Variants in ASPH observed in about 807,000 individuals in gnomAD.
ASPH encodes aspartyl/asparaginyl beta-hydroxylase.
ASPH carries 100 observed loss-of-function variants against 118.4 expected under a neutral mutation model. The ratio of observed to expected loss-of-function variants is 0.84; its 90% confidence interval spans 0.72 to 1.00. ASPH has a LOEUF of 1.00. Among genes scored for constraint, ASPH ranks in the 50% least tolerant of loss-of-function variants. The probability of loss-of-function intolerance (pLI) is 0.00; values close to 1 mark genes in which losing one functional copy is unlikely to be tolerated. For missense variants in ASPH, 920 were observed against 919.5 expected, an observed-to-expected ratio of 1.00 and a Z score of -0.01; for synonymous variants, 315 against 325.6, an observed-to-expected ratio of 0.97 and a Z score of 0.35.
chr8:61,653,290 A>G (rs1812026980), intron 4 of ASPH, among the ~76,000 whole-genome samples: 1 of 152,236 alleles, frequency 6.6e-6, no homozygotes, highest in South Asian at 2.1e-4. Context: ...TAGTGCTGGA[A>G]TTGGAATCAA....
At chr8:61,692,974 G>A (rs1020843550) in intron 1 of ASPH, among the ~76,000 whole-genome samples, 7 of 150,536 alleles carry the variant, frequency 4.7e-5, no homozygotes, top group African/African-American at 1.2e-4. Flanking sequence ...AAAAGAAAAC[G>A]ATGACATCAA....
At chr8:61,586,461 A>G (rs1185158488) in intron 14 of ASPH, among the ~76,000 whole-genome samples, 1 of 152,232 alleles carries the variant, frequency 6.6e-6, no homozygotes, top group Non-Finnish European at 1.5e-5. Flanking sequence ...CCAAATCAGA[A>G]ACTTGGTTAT....
chr8:61,574,719 T>A (rs746991595), intron 16 of ASPH, among the ~76,000 whole-genome samples: 4 of 152,028 alleles, frequency 2.6e-5, no homozygotes, highest in Admixed American at 6.6e-5. Flanking sequence ...AGGGGAGGGA[T>A]AGCATTAGGA....
chr8:61,588,625 A>C (rs992972606), intron 14 of ASPH, among the ~76,000 whole-genome samples: 1 of 152,186 alleles, frequency 6.6e-6, no homozygotes, highest in African/African-American at 2.4e-5. Flanking sequence ...CCCATGTTCT[A>C]CCTTGTTCTC....
intron 14 of ASPH, among the ~76,000 whole-genome samples, chr8:61,593,015 G>T (rs1841585314): frequency 6.6e-6 from 1 of 152,220 alleles, no homozygotes; most frequent in African/African-American, 2.4e-5. Context: ...TGTTCCTACA[G>T]GCGGGGGATG....
intron 24 of ASPH, among the ~76,000 whole-genome samples, chr8:61,515,382 C>T (rs1810507162): frequency 6.6e-6 from 1 of 152,166 alleles, no homozygotes; most frequent in Non-Finnish European, 1.5e-5. Context: ...GAAACTTCTG[C>T]CTGTCCAGTG....
intron 21 of ASPH, among the ~76,000 whole-genome samples, chr8:61,535,551 A>G (rs1405392065): frequency 2.0e-5 from 3 of 152,182 alleles, no homozygotes; most frequent in Non-Finnish European, 2.9e-5. Flanking sequence ...AAATTGAGGA[A>G]AGGGATGCTG....
chr8:61,573,938 G>A (rs949227624), intron 16 of ASPH, among the ~76,000 whole-genome samples: 1 of 152,130 alleles, frequency 6.6e-6, no homozygotes, highest in Non-Finnish European at 1.5e-5. Flanking sequence ...GAAAATTTTT[G>A]CAATCTACCT....
intron 14 of ASPH, among the ~76,000 whole-genome samples, chr8:61,600,412 C>T (rs1297223854): frequency 6.7e-6 from 1 of 148,912 alleles, no homozygotes; most frequent in Non-Finnish European, 1.5e-5. Context: ...ATAAAAGTCA[C>T]CCAAATTGGA....
chr8:61,571,360 A>T (rs1280890918), intron 16 of ASPH, among the ~76,000 whole-genome samples: 1 of 152,142 alleles, frequency 6.6e-6, no homozygotes, highest in Non-Finnish European at 1.5e-5. Context: ...GACCACCACC[A>T]TCACTGCCGC....
rs541353324 is a variant in ASPH, at chr8:61,647,770, G to T, written c.491-892C>A. Among the ~76,000 whole-genome samples, 4 of 152,302 alleles carry T rather than the reference G, an allele frequency of 2.6e-5. No individual in the cohort carries two copies. In the East Asian group the frequency reaches 7.7e-4, roughly 29 times the overall value. ...CCTGAATCATACTATGCATTCAAATGTTCCTATTAGGCTTCAAGTTATGCA... is the reference window on the plus strand; with the variant it reads ...CCTGAATCATACTATGCATTCAAATTTTCCTATTAGGCTTCAAGTTATGCA... On this transcript the variant is annotated intron_variant, in intron 5 of 24. Coordinates refer to ENST00000379454, the MANE Select transcript of ASPH (RefSeq NM_004318.4).
chr8:61,557,550 T>C (rs1828328368), intron 18 of ASPH, among the ~76,000 whole-genome samples: 1 of 152,218 alleles, frequency 6.6e-6, no homozygotes, highest in African/African-American at 2.4e-5. Flanking sequence ...CTAGTCACTC[T>C]CCAACTTCTT....
chr8:61,689,970 C>A (rs1832149860), intron 1 of ASPH: 3 of 762,420 alleles, frequency 3.9e-6, no homozygotes, highest in South Asian at 1.1e-4. Flanking sequence ...TTACGGGATT[C>A]TTTTCCCAGT....
chr8:61,600,898 G>A (rs1210813885), intron 14 of ASPH, among the ~76,000 whole-genome samples: 1 of 151,110 alleles, frequency 6.6e-6, no homozygotes, highest in African/African-American at 2.5e-5. Context: ...GTAGAAAATG[G>A]CATATCATTC....
At chr8:61,690,856 A>G (rs1832423990) in intron 1 of ASPH, among the ~76,000 whole-genome samples, 1 of 152,222 alleles carries the variant, frequency 6.6e-6, no homozygotes, top group Non-Finnish European at 1.5e-5. Flanking sequence ...ATTTTTAAAA[A>G]ATACACCACT....
chr8:61,605,284 G>C (rs528542051), intron 14 of ASPH, among the ~76,000 whole-genome samples: 2 of 152,266 alleles, frequency 1.3e-5, no homozygotes, highest in East Asian at 3.9e-4. Context: ...ATTGCATTTG[G>C]ACTTAGGGAT....
chr8:61,524,365 T>C (rs1038996417), intron 22 of ASPH, among the ~76,000 whole-genome samples: 1 of 149,302 alleles, frequency 6.7e-6, no homozygotes. Context: ...AAAAGAAAAA[T>C]AAAACAAAAC....
At chr8:61,599,334 T>C (rs1192132551) in intron 14 of ASPH, among the ~76,000 whole-genome samples, 1 of 146,942 alleles carries the variant, frequency 6.8e-6, no homozygotes, top group South Asian at 2.2e-4. Flanking sequence ...GTCGGGGGAG[T>C]GAGGAGGGAT....
intron 14 of ASPH, among the ~76,000 whole-genome samples, chr8:61,593,192 C>T (rs910131632): frequency 6.6e-6 from 1 of 152,008 alleles, no homozygotes; most frequent in South Asian, 2.1e-4. Context: ...CATGGAGGTG[C>T]TTCTGGCAGG....
Sources: gnomAD v4.1 joint callset for allele counts (sites outside exome capture counted in the v4.1 genomes callset) on GRCh38, gnomAD v4.1.1 for gene constraint, MANE v1.5 for transcripts, NCBI Gene and HGNC (gene_info 2026-07-23, HGNC 2026-07-21) for gene names.